The following RNF125 variants were observed in gnomAD, a reference collection of about 807,000 sequenced individuals.
RNF125 encodes E3 ubiquitin-protein ligase RNF125.
A neutral mutation model predicts 26.0 loss-of-function variants in RNF125; 21 were observed. That is an observed-to-expected ratio of 0.81 (90% CI 0.57 to 1.16). RNF125 has a LOEUF of 1.16. Ranked by LOEUF, RNF125 falls within the 50% of genes most tolerant of loss-of-function variation. The pLI, the probability that RNF125 is intolerant of heterozygous loss-of-function variation, is 0.00. For synonymous variants in RNF125, 95 were observed against 109.2 expected (o/e 0.87, Z 0.81); for missense variants, 270 against 299.4 (o/e 0.90, Z 0.72).
At chr18:32,034,399 G>A (rs980266881) in intron 1 of RNF125, among the ~76,000 whole-genome samples, 1 of 152,160 alleles carries the variant, frequency 6.6e-6, no homozygotes, top group Non-Finnish European at 1.5e-5. Context: ...CAGCGCATAG[G>A]TTATAGTCGG....
intron 1 of RNF125, among the ~76,000 whole-genome samples, chr18:32,026,273 T>C (rs1324938729): frequency 1.6e-5 from 2 of 127,664 alleles, no homozygotes; most frequent in Non-Finnish European, 3.2e-5. Context: ...TTTTGAGATG[T>C]AGTCTTGCTC....
chr18:32,055,680 A>C (rs1384973715), intron 4 of RNF125, among the ~76,000 whole-genome samples: 1 of 152,010 alleles, frequency 6.6e-6, no homozygotes, highest in East Asian at 1.9e-4. Flanking sequence ...GATTGTGGGG[A>C]TTATTAAGAG....
intron 1 of RNF125, chr18:32,031,423 C>T (rs1388621999): frequency 1.4e-5 from 2 of 139,066 alleles, no homozygotes; most frequent in Non-Finnish European, 3.0e-5. Flanking sequence ...TACAAGTGTC[C>T]GCCATAGGGC....
the RNF125 span, among the ~76,000 whole-genome samples, chr18:32,085,997 T>G: frequency 6.6e-6 from 1 of 152,282 alleles, no homozygotes; most frequent in African/African-American, 2.4e-5. Context: ...TAATCTTGAT[T>G]AACAGATAGG....
chr18:32,048,780 C>T (rs1024105388), intron 4 of RNF125, among the ~76,000 whole-genome samples: 11 of 152,144 alleles, frequency 7.2e-5, no homozygotes, highest in African/African-American at 1.9e-4. Context: ...CCGATGGTCA[C>T]GGGCTTTTCC....
At chr18:32,052,310 T>C (rs1285801164) in intron 4 of RNF125, among the ~76,000 whole-genome samples, 1 of 151,682 alleles carries the variant, frequency 6.6e-6, no homozygotes, top group East Asian at 2.0e-4. Context: ...CTGGCCAATA[T>C]GGTGAAACCC....
chr18:32,051,520 G>A (rs1239731224), intron 4 of RNF125, among the ~76,000 whole-genome samples: 4 of 150,630 alleles, frequency 2.7e-5, no homozygotes, highest in Non-Finnish European at 5.9e-5. Flanking sequence ...AGGAGGCTGA[G>A]GCAGGAATCG....
At chr18:32,084,189 C>G in the RNF125 span, among the ~76,000 whole-genome samples, 1 of 152,120 alleles carries the variant, frequency 6.6e-6, no homozygotes, top group Non-Finnish European at 1.5e-5. Flanking sequence ...AACCCCATCT[C>G]TACAAAAATA....
chr18:32,043,703 T>C (rs921426296), intron 3 of RNF125, among the ~76,000 whole-genome samples: 2 of 152,176 alleles, frequency 1.3e-5, no homozygotes, highest in African/African-American at 4.8e-5. Flanking sequence ...CCAATTTCTT[T>C]TACTCATTAG....
chr18:32,074,319 G>T (rs547539460), downstream of RNF125, among the ~76,000 whole-genome samples: 1 of 152,256 alleles, frequency 6.6e-6, no homozygotes, highest in East Asian at 1.9e-4. Flanking sequence ...TAATGTCAAG[G>T]CACTGAGGAA....
the RNF125 span, among the ~76,000 whole-genome samples, chr18:32,082,176 G>C: frequency 6.6e-6 from 1 of 151,676 alleles, no homozygotes. Flanking sequence ...AAATACATTG[G>C]ACTGGTATTC....
intron 4 of RNF125, among the ~76,000 whole-genome samples, chr18:32,050,976 G>A (rs552605667): frequency 2.2e-5 from 3 of 134,050 alleles, no homozygotes; most frequent in South Asian, 5.2e-4. Context: ...GCTCTCCTCG[G>A]CCCCGCAAAG....
intron 1 of RNF125, among the ~76,000 whole-genome samples, chr18:32,032,119 C>T (rs1283281694): frequency 6.6e-6 from 1 of 152,124 alleles, no homozygotes. Flanking sequence ...CTCTGTCACC[C>T]AGGCTGGAGT....
the RNF125 span, among the ~76,000 whole-genome samples, chr18:32,081,537 T>C: frequency 0.015 from 2,312 of 152,304 alleles, 62 homozygotes; most frequent in African/African-American, 0.053. Context: ...TTGCAGTGAT[T>C]GTACCATCTC....
rs2039227018 is a variant in RNF125, at chr18:32,042,159, T to C, written c.319-20T>C. ...GCCCTTTTTTAACAGTGAGTTTATT[T>C]TGAATTTGTTTTTATGTAGGTTTGC... On this transcript the variant is annotated intron_variant, in intron 2 of 5. Coordinates refer to ENST00000217740, the MANE Select transcript of RNF125 (RefSeq NM_017831.4). 8.3e-6 allele frequency: 13 copies of C among 1,575,532 alleles called. No individual in the cohort carries two copies. The highest frequency in any genetic ancestry group is 1.1e-5 in the Non-Finnish European group (13 of 1,147,018).
At chr18:32,076,096 T>C, downstream of RNF125, 2 of 656,244 alleles carry the variant, frequency 3.0e-6, no homozygotes, top group Non-Finnish European at 5.6e-6. Context: ...GTTCACAATC[T>C]TCCCAGCTCT....
At chr18:32,028,566 G>A (rs2039062278) in intron 1 of RNF125, among the ~76,000 whole-genome samples, 2 of 146,094 alleles carry the variant, frequency 1.4e-5, no homozygotes, top group Admixed American at 7.1e-5. Context: ...ATTATTTTTG[G>A]GGGTAAAATA....
In RNF125 at chr18:32,050,981, G is replaced by A. The variant is rs151274981; in HGVS notation, c.504+5249G>A. Among the ~76,000 whole-genome samples the A allele has an allele frequency of 2.1e-3, 284 of 137,226 alleles. 2 individuals are homozygous for A. Among genetic ancestry groups the A allele is most frequent in the African/African-American group, 7.0e-3 (267 of 38,304 alleles). The allele number at this position is 137,226 out of a possible 152,430, so 90.0% of individuals were successfully genotyped here. ...CAAGCGATCTGCTCTCCTCGGCCCC[G>A]CAAAGTGCTGGGATTACAGGCATGA... On this transcript the variant is annotated intron_variant, in intron 4 of 5. Transcript: ENST00000217740.
intron 1 of RNF125, chr18:32,031,484 GGGAAAAAAAAA>G (rs1174813569): frequency 7.6e-5 from 6 of 79,094 alleles, no homozygotes; most frequent in African/African-American, 3.3e-4. Flanking sequence ...CTCAAATTGT[GGGAAAAAAAAA>G]AAAAAAAAAA....
Sources: gnomAD v4.1 joint callset for allele counts (sites outside exome capture counted in the v4.1 genomes callset) on GRCh38, gnomAD v4.1.1 for gene constraint, MANE v1.5 for transcripts, NCBI Gene and HGNC (gene_info 2026-07-23, HGNC 2026-07-21) for gene names.